Variants in CREM observed in about 807,000 individuals in gnomAD.
CREM encodes the protein cAMP-responsive element modulator.
CREM carries 13 observed loss-of-function variants against 37.3 expected under a neutral mutation model. The observed-to-expected ratio is 0.35, with a 90% CI of 0.23 to 0.55. The LOEUF (loss-of-function observed/expected upper bound fraction) is 0.55, where lower values mean the gene tolerates loss of function less well. Ranked by LOEUF, CREM falls within the 20% of genes least tolerant of loss-of-function variation. CREM has a pLI of 0.88. For synonymous variants in CREM, 124 were observed against 120.2 expected (o/e 1.03, Z -0.21); for missense variants, 296 against 362.3 (o/e 0.82, Z 1.49).
chr10:35,130,256 T>G (rs1027681471), intron 1 of CREM, among the ~76,000 whole-genome samples: 1 of 150,326 alleles, frequency 6.7e-6, no homozygotes, highest in African/African-American at 2.5e-5. Flanking sequence ...ACACAATAGG[T>G]AGAAATGAAC....
intron 3 of CREM, among the ~76,000 whole-genome samples, chr10:35,172,679 G>A (rs1200202660): frequency 6.6e-6 from 1 of 151,144 alleles, no homozygotes; most frequent in Non-Finnish European, 1.5e-5. Flanking sequence ...TTGATATTCT[G>A]TGTCCTGAAG....
chr10:35,158,798 G>GTGTTTTTTTTTTTTTTTTTTTTTT (rs2093078412), intron 3 of CREM, among the ~76,000 whole-genome samples: 1 of 100,840 alleles, frequency 9.9e-6, no homozygotes, highest in African/African-American at 3.5e-5. Flanking sequence ...CAAATATAGT[G>GTGTTTTTTTTTTTTTTTTTTTTTT]TTTTTTTTTT....
chr10:35,190,184 CGTAA>C, intron 6 of CREM, among the ~76,000 whole-genome samples: 2 of 152,290 alleles, frequency 1.3e-5, no homozygotes, highest in South Asian at 4.1e-4. Context: ...ACAATATGCA[CGTAA>C]GTTTGTGCCT....
At chr10:35,149,528 G>C (rs2092419290) in intron 3 of CREM, among the ~76,000 whole-genome samples, 1 of 152,188 alleles carries the variant, frequency 6.6e-6, no homozygotes, top group Non-Finnish European at 1.5e-5. Context: ...AGGTGGAATT[G>C]AAAGTCAGTG....
At chr10:35,205,460 A>G (rs1030197040) in intron 6 of CREM, among the ~76,000 whole-genome samples, 1 of 152,190 alleles carries the variant, frequency 6.6e-6, no homozygotes, top group East Asian at 1.9e-4. Context: ...CTGAAACTGC[A>G]GTGAGCTCAA....
chr10:35,172,667 T>C (rs1474525664), intron 3 of CREM, among the ~76,000 whole-genome samples: 1 of 152,074 alleles, frequency 6.6e-6, no homozygotes, highest in Non-Finnish European at 1.5e-5. Flanking sequence ...GTACATGCTG[T>C]TTTGATATTC....
intron 1 of CREM, among the ~76,000 whole-genome samples, chr10:35,134,424 C>A (rs896467583): frequency 2.6e-5 from 4 of 152,154 alleles, no homozygotes; most frequent in African/African-American, 9.7e-5. Flanking sequence ...GCCATGTTGG[C>A]CAGACTGGTC....
At position 35,195,335 on chromosome 10, in the gene CREM, CTT is replaced by C. The variant is rs112035657; in HGVS notation, c.598+6953_598+6954del. On this transcript the variant is annotated intron_variant, in intron 6 of 7. Coordinates refer to ENST00000685392, the MANE Select transcript of CREM (RefSeq NM_183011.2). ...CTCTCCTAGTCACTTAGGTGTAAGA[CTT>C]TTTTTGAAATATACATCTATATATT... The C allele has an allele frequency of 4.5e-6, 5 of 1,113,866 alleles. No homozygotes were observed. In the African/African-American group the frequency reaches 6.4e-5, roughly 14 times the overall value. The allele number at this position is 1,113,866 out of a possible 1,614,324, so 69.0% of individuals were successfully genotyped here.
At position 35,211,427 on chromosome 10, in the gene CREM, T is replaced by C; in HGVS notation, c.*29T>C. 4 of 1,604,968 alleles carry C rather than the reference T, an allele frequency of 2.5e-6. No individual in the cohort carries two copies. Among genetic ancestry groups the C allele is most frequent in the Non-Finnish European group, 3.4e-6 (4 of 1,175,466 alleles). ...TCTTTGACTTGGACCTTGTTTACTC[T>C]AATCAAGGCAGGAGATGCAGCAGTC... On this transcript the variant is annotated 3_prime_UTR_variant, in exon 8 of 8. Transcript: ENST00000685392.
intron 6 of CREM, among the ~76,000 whole-genome samples, chr10:35,190,903 C>G (rs1027998784): frequency 6.6e-6 from 1 of 152,022 alleles, no homozygotes; most frequent in Admixed American, 6.6e-5. Context: ...ACCTCATGAT[C>G]CGCCCACCTC....
At chr10:35,146,277 C>G (rs759546662) in intron 2 of CREM, among the ~76,000 whole-genome samples, 1 of 152,140 alleles carries the variant, frequency 6.6e-6, no homozygotes, top group Admixed American at 6.5e-5. Flanking sequence ...CAAAATACTC[C>G]TGCTAGGGCA....
At chr10:35,207,508 G>A (rs948759057) in intron 7 of CREM, among the ~76,000 whole-genome samples, 3 of 151,936 alleles carry the variant, frequency 2.0e-5, no homozygotes, top group Admixed American at 2.0e-4. Context: ...GGGCGCAGTG[G>A]CTCCCGCCTG....
intron 3 of CREM, among the ~76,000 whole-genome samples, chr10:35,172,005 G>A (rs974914982): frequency 6.6e-6 from 1 of 152,180 alleles, no homozygotes. Flanking sequence ...AGAAGTGGTG[G>A]TGGAGTACTG....
chr10:35,175,664 A>T, intron 3 of CREM: 1 of 1,614,016 alleles, frequency 6.2e-7, no homozygotes, highest in South Asian at 1.1e-5. Flanking sequence ...TAAATGTCAC[A>T]TCAGAAAATG....
At chr10:35,175,940 G>A (rs564186913) in intron 3 of CREM, 29 of 1,551,396 alleles carry the variant, frequency 1.9e-5, no homozygotes, top group Non-Finnish European at 2.4e-5. Flanking sequence ...ACATGTCCAG[G>A]GAGTAATTCA....
At chr10:35,138,202 C>T (rs1370177375) in intron 2 of CREM, among the ~76,000 whole-genome samples, 3 of 152,206 alleles carry the variant, frequency 2.0e-5, no homozygotes, top group East Asian at 1.9e-4. Context: ...TTCTTCCTCC[C>T]GGCCTTTCGG....
At chr10:35,165,415 G>A (rs1248864884) in intron 3 of CREM, among the ~76,000 whole-genome samples, 3 of 152,162 alleles carry the variant, frequency 2.0e-5, no homozygotes, top group Non-Finnish European at 4.4e-5. Context: ...TTCAACATGA[G>A]ATTGGGAGCG....
At chr10:35,129,639 T>C (rs921613824) in intron 1 of CREM, among the ~76,000 whole-genome samples, 7 of 152,226 alleles carry the variant, frequency 4.6e-5, no homozygotes, top group African/African-American at 1.7e-4. Context: ...TCCTTTTAGA[T>C]AGACTTCTTA....
At chr10:35,177,565 C>G (rs959351415) in intron 3 of CREM, among the ~76,000 whole-genome samples, 1 of 152,184 alleles carries the variant, frequency 6.6e-6, no homozygotes, top group African/African-American at 2.4e-5. Context: ...TTTCAAAGTG[C>G]TGGGATTACA....
Sources: gnomAD v4.1 joint callset for allele counts (sites outside exome capture counted in the v4.1 genomes callset) on GRCh38, gnomAD v4.1.1 for gene constraint, MANE v1.5 for transcripts, NCBI Gene and HGNC (gene_info 2026-07-23, HGNC 2026-07-21) for gene names.